NTN1: variants seen among roughly 807,000 people sequenced by gnomAD.
The protein encoded by NTN1 is netrin 1, also known as netrin-1.
NTN1 carries 11 observed loss-of-function variants against 54.2 expected under a neutral mutation model. The ratio of observed to expected loss-of-function variants is 0.20; its 90% CI spans 0.13 to 0.34. The LOEUF is 0.34. Ranked by LOEUF, NTN1 falls within the 10% of genes least tolerant of loss-of-function variation. The pLI, the probability that NTN1 is intolerant of heterozygous loss-of-function variation, is 1.00. For missense variants in NTN1, 740 were observed against 893.1 expected, an observed-to-expected ratio of 0.83 and a Z score of 2.18; for synonymous variants, 371 against 382.0, an observed-to-expected ratio of 0.97 and a Z score of 0.33.
At chr17:9,114,162 A>ATATATATATATATATATATATATATAT (rs1180136945) in intron 2 of NTN1, among the ~76,000 whole-genome samples, 3 of 84,234 alleles carry the variant, frequency 3.6e-5, no homozygotes, top group Admixed American at 1.2e-4. Context: ...AGAAAAAAAA[A>ATATATATATATATATATATATATATAT]AAAAATATAT....
chr17:9,038,536 G>A (rs1384588330), intron 2 of NTN1, among the ~76,000 whole-genome samples: 1 of 151,994 alleles, frequency 6.6e-6, no homozygotes, highest in Admixed American at 6.6e-5. Context: ...CAACTCCTGG[G>A]CTTGCAAGAC....
rs370503245 is a variant in NTN1, at chr17:9,159,733, G to A, written c.1019-3080G>A. Among the ~76,000 whole-genome samples the A allele has an allele frequency of 7.9e-5, 12 of 152,154 alleles. No individual in the cohort carries two copies. In the South Asian group the frequency reaches 1.9e-3, roughly 24 times the overall value. ...GGAGAATCGCGTGAACCTGGGAGGC[G>A]GAGGTTGCAGTGAGCCAAGATCACG... is the stretch of plus-strand genomic sequence containing the variant. On this transcript the variant is annotated intron_variant, in intron 2 of 6. Coordinates refer to ENST00000173229, the MANE Select transcript of NTN1 (RefSeq NM_004822.3).
chr17:9,034,391 G>A (rs11078778), intron 2 of NTN1, among the ~76,000 whole-genome samples: 22,378 of 151,208 alleles, frequency 0.15, 1,829 homozygotes, highest in Non-Finnish European at 0.18. Context: ...TCCTCATAGC[G>A]GCCCTATCAG....
At chr17:9,076,414 C>T (rs533462857) in intron 2 of NTN1, among the ~76,000 whole-genome samples, 5 of 152,286 alleles carry the variant, frequency 3.3e-5, no homozygotes, top group African/African-American at 1.2e-4. Flanking sequence ...ACCCTGTCAT[C>T]CAGGCTGGAG....
At chr17:9,083,637 A>T (rs2142226412) in intron 2 of NTN1, among the ~76,000 whole-genome samples, 1 of 152,324 alleles carries the variant, frequency 6.6e-6, no homozygotes, top group East Asian at 1.9e-4. Flanking sequence ...TGGTGTGTGG[A>T]TACGAAGCCT....
In NTN1 at chr17:9,221,216, T is replaced by G; in HGVS notation, c.1460T>G (p.Met487Arg). 1 of 1,585,228 alleles carries G rather than the reference T, an allele frequency of 6.3e-7. No individual in the cohort carries two copies. Among genetic ancestry groups the G allele is most frequent in the Non-Finnish European group, 8.6e-7 (1 of 1,166,768 alleles). ...KASKGKLKIN[M>R]KKYCKKDYAV... ...TCCAAGGGGAAGCTGAAGATTAACATGAAAAAGTACTGCAAGAAGGACTAT... is the reference window on the plus strand; with the variant it reads ...TCCAAGGGGAAGCTGAAGATTAACAGGAAAAAGTACTGCAAGAAGGACTAT... The change falls in exon 6 of 7, where the codon ATG becomes AGG. Residue 487 changes from methionine (M) to arginine (R), a missense_variant. Transcript: ENST00000173229. The surrounding 1 kb of genome is among the most constrained non-coding windows in gnomAD (Gnocchi z 4.5).
At chr17:9,149,164 G>A (rs1402713666) in intron 2 of NTN1, among the ~76,000 whole-genome samples, 3 of 152,088 alleles carry the variant, frequency 2.0e-5, no homozygotes, top group Non-Finnish European at 4.4e-5. Context: ...GGCTTGGCCG[G>A]CTTGGCTGGC....
intron 2 of NTN1, among the ~76,000 whole-genome samples, chr17:9,150,368 T>C (rs1192188111): frequency 1.3e-5 from 2 of 151,534 alleles, no homozygotes; most frequent in Non-Finnish European, 2.9e-5. Flanking sequence ...ATGAGAGGAA[T>C]GTCTGAAGAG....
At chr17:9,187,868 A>G (rs1392476729) in intron 5 of NTN1, among the ~76,000 whole-genome samples, 1 of 152,162 alleles carries the variant, frequency 6.6e-6, no homozygotes, top group Non-Finnish European at 1.5e-5. Context: ...ATGTGCTACA[A>G]CACAGAAGAA....
chr17:9,048,054 A>G (rs748602281), intron 2 of NTN1, among the ~76,000 whole-genome samples: 1 of 152,312 alleles, frequency 6.6e-6, no homozygotes, highest in East Asian at 1.9e-4. Flanking sequence ...AAGGTTTTCA[A>G]TTTACTTTGC....
chr17:9,226,405 G>A (rs1309294044), intron 6 of NTN1, among the ~76,000 whole-genome samples: 1 of 150,224 alleles, frequency 6.7e-6, no homozygotes. Flanking sequence ...TCTAAGGGGT[G>A]GGGGCCGTGG....
chr17:9,128,111 C>G (rs569335516), intron 2 of NTN1, among the ~76,000 whole-genome samples: 9 of 149,688 alleles, frequency 6.0e-5, no homozygotes, highest in African/African-American at 1.2e-4. Flanking sequence ...AGCAAGACTC[C>G]GTCTCGAAAA....
chr17:9,065,612 AC>A (rs1053211589), intron 2 of NTN1, among the ~76,000 whole-genome samples: 1 of 152,222 alleles, frequency 6.6e-6, no homozygotes, highest in African/African-American at 2.4e-5. Context: ...CAGGGCAAGC[AC>A]CAAGTCTGCT....
intron 2 of NTN1, among the ~76,000 whole-genome samples, chr17:9,089,272 A>G (rs1184213560): frequency 2.6e-5 from 4 of 152,110 alleles, no homozygotes; most frequent in Non-Finnish European, 5.9e-5. Flanking sequence ...AAAGTTAGCC[A>G]GGTGTGGTGG....
At chr17:9,065,382 G>C (rs1454485342) in intron 2 of NTN1, among the ~76,000 whole-genome samples, 3 of 152,162 alleles carry the variant, frequency 2.0e-5, no homozygotes, top group Admixed American at 2.0e-4. Context: ...TTGCCCACCT[G>C]TTCTTCCCAC....
chr17:9,163,632 C>T (rs140945504), intron 3 of NTN1, among the ~76,000 whole-genome samples: 314 of 152,116 alleles, frequency 2.1e-3, no homozygotes, highest in Non-Finnish European at 3.6e-3. Context: ...TAAAAGGAGA[C>T]GGGAGACTAT....
chr17:9,141,185 A>G (rs1228256221), intron 2 of NTN1, among the ~76,000 whole-genome samples: 1 of 151,912 alleles, frequency 6.6e-6, no homozygotes, highest in East Asian at 1.9e-4. Context: ...TTTGGGAGTC[A>G]TTTCCCCCCG....
In NTN1 at chr17:9,243,414, A is replaced by C. The variant is rs1906290293; in HGVS notation, c.*3446A>C. ...TTGGAATGAGACTGAACTCAAGAAG[A>C]GACCCTAAGGGACTGGGGAATGGTT... On this transcript the variant is annotated 3_prime_UTR_variant, in exon 7 of 7. Coordinates refer to ENST00000173229, the MANE Select transcript of NTN1 (RefSeq NM_004822.3). 1 of 138,900 alleles carries C rather than the reference A, an allele frequency of 7.2e-6. No homozygotes were observed. The highest frequency in any genetic ancestry group is 2.6e-4 in the South Asian group (1 of 3,784). 8.6% of individuals were successfully genotyped at this position (138,900 alleles called of 1,614,324 possible). A position where few individuals can be genotyped will look rare whatever the true frequency, so the allele number is the denominator to read the frequency against.
the NTN1 span, among the ~76,000 whole-genome samples, chr17:9,010,790 G>A: frequency 5.9e-5 from 9 of 152,176 alleles, no homozygotes; most frequent in African/African-American, 2.2e-4. Flanking sequence ...CCAAGGACCA[G>A]TTTTGTGGAA....
Sources: gnomAD v4.1 joint callset for allele counts (sites outside exome capture counted in the v4.1 genomes callset) on GRCh38, gnomAD v4.1.1 for gene constraint, Gnocchi (gnomAD v3.1) non-coding constraint, MANE v1.5 for transcripts, NCBI Gene and HGNC (gene_info 2026-07-23, HGNC 2026-07-21) for gene names.